The following IL1RL2 variants were observed in gnomAD, a reference collection of about 807,000 sequenced individuals.
The protein encoded by IL1RL2 is interleukin-1 receptor-like 2.
A neutral mutation model predicts 66.8 loss-of-function variants in IL1RL2; 68 were observed. The ratio of observed to expected loss-of-function variants is 1.02; its 90% CI spans 0.84 to 1.25. IL1RL2 has a LOEUF of 1.25. Ranked by LOEUF, IL1RL2 falls within the 50% of genes most tolerant of loss-of-function variation. The pLI is 0.00. For missense variants in IL1RL2, 729 were observed against 709.3 expected (o/e 1.03, Z -0.32); for synonymous variants, 305 against 264.6 (o/e 1.15, Z -1.48).
At position 102,229,352 on chromosome 2, in the gene IL1RL2, T is replaced by C. The variant is rs547509145; in HGVS notation, c.1135+3311T>C. The stretch of plus-strand genomic sequence containing the variant: ...TTTGGAAAATTCAGACTGACACAGC[T>C]GCACAGGACTAATCAGGGATTAGTT... On this transcript the variant is annotated intron_variant, in intron 9 of 11. Transcript: ENST00000264257. 9.8e-5 allele frequency among the ~76,000 whole-genome samples: 15 copies of C among 152,316 alleles called. 1 individual carries two copies. The South Asian group carries it at 2.9e-3, about 29-fold the overall frequency.
rs1196647942 is a variant in IL1RL2, at chr2:102,189,276, T to TG, written c.265dup (p.Asp89GlyfsTer12). On this transcript the variant is annotated frameshift_variant, in exon 3 of 12. Transcript: ENST00000264257. LOFTEE classifies it high-confidence loss of function. ...TTGGATTTTGTTTCTCCCCATGGAA[T>TG]GGGGGGACTCAGGAGTCTACCAATG... 3.1e-6 allele frequency: 5 copies of TG among 1,613,194 alleles called. No individual in the cohort carries two copies. The highest frequency in any genetic ancestry group is 2.7e-5 in the African/African-American group (2 of 74,942).
chr2:102,237,480 C>G (rs749460550), intron 11 of IL1RL2, among the ~76,000 whole-genome samples: 128 of 152,332 alleles, frequency 8.4e-4, no homozygotes, highest in Middle Eastern at 3.4e-3. Context: ...CCTTCAGAGA[C>G]CAGCCCAGAG....
chr2:102,189,195 T>C lies in IL1RL2; in HGVS notation c.178T>C (p.Ser60Pro). ...GEVSVTWYKN[S>P]SKIPVSKIIQ... ...AGTCAGTGTAACATGGTATAAAAATTCTAGCAAAATCCCAGTGTCCAAAAT... is the reference window on the plus strand; with the variant it reads ...AGTCAGTGTAACATGGTATAAAAATCCTAGCAAAATCCCAGTGTCCAAAAT... The change falls in exon 3 of 12, where the codon TCT becomes CCT. Residue 60 changes from serine (S) to proline (P), a missense_variant. By Grantham distance (74) the Ser-to-Pro change is moderately conservative. Transcript: ENST00000264257. 1 of 1,614,110 alleles carries C rather than the reference T, an allele frequency of 6.2e-7. No homozygotes were observed. Among genetic ancestry groups the C allele is most frequent in the Non-Finnish European group, 8.5e-7 (1 of 1,179,970 alleles).
intron 7 of IL1RL2, among the ~76,000 whole-genome samples, chr2:102,219,673 A>G (rs1689925140): frequency 6.6e-6 from 1 of 152,174 alleles, no homozygotes; most frequent in South Asian, 2.1e-4. Context: ...TAACAGAACC[A>G]TACTTCCTTG....
chr2:102,191,837 A>G, intron 3 of IL1RL2, 88 bp from the exon 4 acceptor site: 1 of 955,858 alleles, frequency 1.0e-6, no homozygotes, highest in South Asian at 1.5e-5. Context: ...TGCTGTGAAA[A>G]TGATTTGAAA....
Position 102,192,083 on chromosome 2 carries a change from C to A in IL1RL2, c.452C>A (p.Pro151Gln). 6.3e-7 allele frequency: 1 copy of A among 1,599,282 alleles called. No homozygotes were observed. The highest frequency in any genetic ancestry group is 8.5e-7 in the Non-Finnish European group (1 of 1,175,090). Residue 151 changes from proline (P) to glutamine (Q), a missense_variant, in exon 4 of 12, where the codon CCG (proline) becomes CAG (glutamine). Transcript: ENST00000264257. ...AGTCTCACATGTCATCTGCACTTCC[C>A]GAAGAGTTGTGTTTTGGGTCCAATA... ...DDSLTCHLHFPKSCVLGPIKW... is the reference protein window; with the variant it reads ...DDSLTCHLHFQKSCVLGPIKW...
intron 4 of IL1RL2, 83 bp from the exon 5 acceptor site, chr2:102,201,473 T>G (rs771636754): frequency 4.6e-5 from 60 of 1,295,622 alleles, no homozygotes; most frequent in Non-Finnish European, 6.6e-5. Context: ...GTCTTCCAGT[T>G]AGACTGTAAA....
At chr2:102,207,665 G>T (rs117409762) in intron 5 of IL1RL2, among the ~76,000 whole-genome samples, 1 of 151,936 alleles carries the variant, frequency 6.6e-6, no homozygotes, top group African/African-American at 2.4e-5. Context: ...GAAGGAAAGC[G>T]TCTCTTTTAT....
intron 7 of IL1RL2, 139 bp downstream of exon 7, chr2:102,219,221 T>A: frequency 1.1e-6 from 1 of 946,138 alleles, no homozygotes; most frequent in Non-Finnish European, 1.7e-6. Flanking sequence ...ATCACATAGT[T>A]AGGGAGATAT....
intron 1 of IL1RL2, 99 bp downstream of exon 1, chr2:102,187,185 C>A: frequency 3.2e-6 from 4 of 1,238,178 alleles, no homozygotes; most frequent in South Asian, 1.3e-5. Context: ...TGTGTGCCAC[C>A]GCAGGCCAGG....
rs1248110465 is a variant in IL1RL2, at chr2:102,187,921, A to C, written c.54A>C (p.Thr18=). Residue 18 remains threonine, a synonymous_variant, in exon 2 of 12, where the codon ACA becomes ACC. Transcript: ENST00000264257. ...CCATCGCCCTTCCACTGTCTGTCAC[A>C]GCAGGTACGTTCCGTGTGTCCTCCG... ...GLSIALPLSV[T]ADGCKDIFMK... 4 of 1,613,788 alleles carry C rather than the reference A, an allele frequency of 2.5e-6. No homozygotes were observed. Among genetic ancestry groups the C allele is most frequent in the Non-Finnish European group, 1.7e-6 (2 of 1,179,896 alleles).
intron 8 of IL1RL2, among the ~76,000 whole-genome samples, chr2:102,221,901 G>T (rs1690172653): frequency 6.6e-6 from 1 of 152,076 alleles, no homozygotes; most frequent in East Asian, 1.9e-4. Flanking sequence ...TATGGTAAAG[G>T]AACACAGAAT....
intron 8 of IL1RL2, among the ~76,000 whole-genome samples, chr2:102,220,353 A>G (rs1016349229): frequency 2.0e-5 from 3 of 152,232 alleles, no homozygotes; most frequent in African/African-American, 7.2e-5. Context: ...TTTAGTATAA[A>G]TAATTTGATA....
In IL1RL2 at chr2:102,187,264, C is replaced by G. The variant is rs574530533; in HGVS notation, c.-13+178C>G. 2.0e-5 allele frequency: 24 copies of G among 1,181,680 alleles called. No individual in the cohort carries two copies. The East Asian group carries it at 6.5e-4, about 32-fold the overall frequency. 73.2% of individuals were successfully genotyped at this position (1,181,680 alleles called of 1,614,324 possible). On this transcript the variant is annotated intron_variant, in intron 1 of 11. Coordinates refer to ENST00000264257, the MANE Select transcript of IL1RL2 (RefSeq NM_003854.4). ...GGGGGAGCCGACTCCGTCTCTGGGTCGAGGAGTGGAGCTCGCGGCTATTTT... is the reference window on the plus strand; with the variant it reads ...GGGGGAGCCGACTCCGTCTCTGGGTGGAGGAGTGGAGCTCGCGGCTATTTT...
chr2:102,209,416 AT>A (rs1688970364), intron 5 of IL1RL2, among the ~76,000 whole-genome samples: 1 of 152,190 alleles, frequency 6.6e-6, no homozygotes, highest in Non-Finnish European at 1.5e-5. Flanking sequence ...TCTCAGCTGA[AT>A]TTTGAAGAAT....
chr2:102,187,599 C>T (rs1234151656), intron 1 of IL1RL2, among the ~76,000 whole-genome samples: 3 of 152,176 alleles, frequency 2.0e-5, no homozygotes, highest in African/African-American at 7.2e-5. Flanking sequence ...ACCGCCGCCG[C>T]CGCCTACTCC....
At chr2:102,192,876 TAC>T (rs1429463330) in intron 4 of IL1RL2, among the ~76,000 whole-genome samples, 3 of 152,226 alleles carry the variant, frequency 2.0e-5, no homozygotes, top group Non-Finnish European at 2.9e-5. Flanking sequence ...GCAAATTTCT[TAC>T]TTTCTCTTGT....
At chr2:102,212,320 G>A in intron 6 of IL1RL2, 146 bp downstream of exon 6, 1 of 555,098 alleles carries the variant, frequency 1.8e-6, no homozygotes, top group Non-Finnish European at 3.2e-6. Flanking sequence ...GAGCTCATGG[G>A]GAGAGGAATC....
chr2:102,191,913 T>C lies in IL1RL2; in HGVS notation c.294-12T>C. On this transcript the variant is annotated splice_polypyrimidine_tract_variant and intron_variant, in intron 3 of 11. Coordinates refer to ENST00000264257, the MANE Select transcript of IL1RL2 (RefSeq NM_003854.4). Reference sequence around the variant, plus strand: ...TTTTAAAGAGTTTATGAGGTCTCAATCTGTCTTACAGGGGTAGAGACAGCT... The same window carrying C: ...TTTTAAAGAGTTTATGAGGTCTCAACCTGTCTTACAGGGGTAGAGACAGCT... The C allele has an allele frequency of 6.4e-7, 1 of 1,552,068 alleles. No homozygotes were observed. The highest frequency in any genetic ancestry group is 8.7e-7 in the Non-Finnish European group (1 of 1,143,966).
Sources: allele counts gnomAD v4.1 joint callset (sites outside exome capture counted in the v4.1 genomes callset), GRCh38; gene constraint gnomAD v4.1.1; transcripts MANE v1.5; gene names NCBI Gene and HGNC (gene_info 2026-07-23, HGNC 2026-07-21).